The following POLK variants were observed in gnomAD, a reference collection of about 807,000 sequenced individuals.
POLK encodes the protein DNA polymerase kappa, also known as polymerase (DNA directed) kappa.
Under a neutral mutation model 94.0 loss-of-function variants are expected in POLK, and 76 were observed. That is an observed-to-expected ratio of 0.81 (90% CI 0.67 to 0.98). POLK has a LOEUF of 0.98. POLK is among the 50% of genes least tolerant of loss of function. POLK has a pLI of 0.00. For missense variants in POLK, 954 were observed against 1,010.1 expected (o/e 0.94, Z 0.75); for synonymous variants, 349 against 325.4 (o/e 1.07, Z -0.78).
At chr5:75,574,184 A>G (rs1771745592) in intron 5 of POLK, among the ~76,000 whole-genome samples, 2 of 152,178 alleles carry the variant, frequency 1.3e-5, no homozygotes, top group Non-Finnish European at 2.9e-5. Flanking sequence ...TGTACAATAT[A>G]CATTTTTTCT....
chr5:75,604,465 C>CTCTTGG (rs1161907460), downstream of POLK, among the ~76,000 whole-genome samples: 1 of 152,198 alleles, frequency 6.6e-6, no homozygotes, highest in Non-Finnish European at 1.5e-5. Context: ...CAGCCTGGAA[C>CTCTTGG]TCTTGGGATC....
chr5:75,593,046 AC>A (rs527340189), intron 11 of POLK, among the ~76,000 whole-genome samples: 51 of 151,936 alleles, frequency 3.4e-4, no homozygotes, highest in Middle Eastern at 3.4e-3. Context: ...ATAGAATGGG[AC>A]CCCCATCTCA....
intron 1 of POLK, among the ~76,000 whole-genome samples, chr5:75,520,238 A>G (rs1332327611): frequency 6.6e-6 from 1 of 152,160 alleles, no homozygotes; most frequent in Non-Finnish European, 1.5e-5. Flanking sequence ...ATATTTTTAT[A>G]TTGCCTGTCT....
rs374129312 is a variant in POLK, at chr5:75,593,945, C to G, written c.1424C>G (p.Ser475Ter). Reference sequence around the variant, plus strand: ...GTAAAAACTCGTGCATCTACAGTTTCATCTGTTGTTTCTACTGCAGAAGAA... The same window carrying G: ...GTAAAAACTCGTGCATCTACAGTTTGATCTGTTGTTTCTACTGCAGAAGAA... The change falls in exon 12 of 15, where the codon TCA becomes TGA. Residue 475 changes from serine (S) to a stop codon, truncating the protein, a stop_gained. Transcript: ENST00000241436. LOFTEE classifies it high-confidence loss of function. 1 of 1,607,798 alleles carries G rather than the reference C, an allele frequency of 6.2e-7. No homozygotes were observed. Among genetic ancestry groups the G allele is most frequent in the Non-Finnish European group, 8.5e-7 (1 of 1,174,686 alleles).
chr5:75,564,151 C>A (rs547755106), intron 3 of POLK, among the ~76,000 whole-genome samples: 1 of 152,144 alleles, frequency 6.6e-6, no homozygotes, highest in Non-Finnish European at 1.5e-5. Context: ...TTATGTAATG[C>A]CCTTCTTTGT....
intron 2 of POLK, among the ~76,000 whole-genome samples, chr5:75,548,553 T>C (rs1770170271): frequency 6.7e-6 from 1 of 150,182 alleles, no homozygotes; most frequent in African/African-American, 2.4e-5. Flanking sequence ...TAATGTATAT[T>C]AGTATGTTGT....
At chr5:75,535,553 C>T (rs1340818130) in intron 1 of POLK, among the ~76,000 whole-genome samples, 4 of 152,082 alleles carry the variant, frequency 2.6e-5, no homozygotes, top group Non-Finnish European at 5.9e-5. Flanking sequence ...TTCCAAGTTG[C>T]TTACTTTCTC....
chr5:75,561,778 G>T (rs972755161), intron 3 of POLK, among the ~76,000 whole-genome samples: 3 of 152,112 alleles, frequency 2.0e-5, no homozygotes, highest in Admixed American at 1.3e-4. Context: ...TTTCCCCATT[G>T]CTTGTTTTTG....
intron 1 of POLK, among the ~76,000 whole-genome samples, chr5:75,545,195 T>C (rs1769946228): frequency 6.6e-6 from 1 of 152,226 alleles, no homozygotes; most frequent in African/African-American, 2.4e-5. Context: ...AAAATTCTTT[T>C]TATTCTTTGC....
chr5:75,585,495 G>A (rs1772421398), intron 9 of POLK, among the ~76,000 whole-genome samples: 1 of 152,144 alleles, frequency 6.6e-6, no homozygotes, highest in African/African-American at 2.4e-5. Flanking sequence ...AAAGCAGAGT[G>A]AGGGTATAGA....
intron 1 of POLK, among the ~76,000 whole-genome samples, chr5:75,527,013 C>A (rs1169076605): frequency 1.3e-5 from 2 of 152,116 alleles, no homozygotes; most frequent in Non-Finnish European, 2.9e-5. Flanking sequence ...TTTTAATGTT[C>A]ATAAGCATAA....
chr5:75,564,642 C>T (rs907944514), intron 3 of POLK, among the ~76,000 whole-genome samples: 77 of 152,298 alleles, frequency 5.1e-4, no homozygotes, highest in Admixed American at 1.8e-3. Context: ...TTCTCCTTCA[C>T]TTATGAAGCT....
chr5:75,566,421 A>G (rs1026648694), intron 3 of POLK, among the ~76,000 whole-genome samples: 5 of 151,550 alleles, frequency 3.3e-5, no homozygotes, highest in African/African-American at 9.7e-5. Context: ...ATGAAAAAAA[A>G]CTCCTGCAGC....
At chr5:75,571,985 T>C (rs992969379) in intron 4 of POLK, among the ~76,000 whole-genome samples, 1 of 152,228 alleles carries the variant, frequency 6.6e-6, no homozygotes, top group African/African-American at 2.4e-5. Flanking sequence ...CAAGGATTAG[T>C]ATAGTTCTGA....
At chr5:75,536,627 C>T (rs952130357) in intron 1 of POLK, among the ~76,000 whole-genome samples, 1 of 151,408 alleles carries the variant, frequency 6.6e-6, no homozygotes, top group Non-Finnish European at 1.5e-5. Flanking sequence ...CACCCTGCCC[C>T]CTGGGTGTTT....
At chr5:75,589,633 A>T (rs1400473543) in intron 10 of POLK, among the ~76,000 whole-genome samples, 1 of 152,070 alleles carries the variant, frequency 6.6e-6, no homozygotes, top group East Asian at 1.9e-4. Context: ...AATTCATAAG[A>T]ATAAGAAGCT....
At chr5:75,523,378 G>T (rs1768680057) in intron 1 of POLK, among the ~76,000 whole-genome samples, 1 of 152,162 alleles carries the variant, frequency 6.6e-6, no homozygotes, top group East Asian at 1.9e-4. Context: ...GAACCATACT[G>T]TGTAAATTGC....
chr5:75,569,702 G>A (rs1186979225), intron 4 of POLK, among the ~76,000 whole-genome samples: 2 of 152,144 alleles, frequency 1.3e-5, no homozygotes, highest in African/African-American at 2.4e-5. Flanking sequence ...TTGGTCCATG[G>A]TCTGTTAGGA....
At chr5:75,536,013 A>T (rs1431368849) in intron 1 of POLK, among the ~76,000 whole-genome samples, 1 of 152,130 alleles carries the variant, frequency 6.6e-6, no homozygotes, top group Non-Finnish European at 1.5e-5. Flanking sequence ...AGGTAAGAGG[A>T]CACTCTGGCT....
Sources: gnomAD v4.1 joint callset for allele counts (sites outside exome capture counted in the v4.1 genomes callset) on GRCh38, gnomAD v4.1.1 for gene constraint, MANE v1.5 for transcripts, NCBI Gene and HGNC (gene_info 2026-07-23, HGNC 2026-07-21) for gene names.